SAMSN1: variants seen among roughly 807,000 people sequenced by gnomAD.
The protein encoded by SAMSN1 is SAM domain-containing protein SAMSN-1.
SAMSN1 carries 31 observed loss-of-function variants against 42.0 expected under a neutral mutation model. The observed-to-expected ratio is 0.74, with a 90% CI of 0.55 to 1.00. SAMSN1 has a LOEUF of 1.00. SAMSN1 is among the 50% of genes least tolerant of loss of function. The probability of loss-of-function intolerance (pLI) is 0.00; values close to 1 mark genes in which losing one functional copy is unlikely to be tolerated. For missense variants in SAMSN1, 464 were observed against 439.4 expected (o/e 1.06, Z -0.50); for synonymous variants, 178 against 151.9 (o/e 1.17, Z -1.26).
chr21:14,520,877 C>CT (rs994342050), intron 2 of SAMSN1, among the ~76,000 whole-genome samples: 44 of 146,650 alleles, frequency 3.0e-4, no homozygotes, highest in African/African-American at 3.5e-4. Flanking sequence ...GAGAGTTCCT[C>CT]TTTTTTTTTT....
chr21:14,618,801 T>C (rs1568832981), intron 2 of SAMSN1, among the ~76,000 whole-genome samples: 1 of 152,256 alleles, frequency 6.6e-6, no homozygotes, highest in African/African-American at 2.4e-5. Flanking sequence ...GTCCTTTAAT[T>C]TGACATTTGC....
At chr21:14,620,344 G>C (rs1982969104) in intron 2 of SAMSN1, among the ~76,000 whole-genome samples, 1 of 151,928 alleles carries the variant, frequency 6.6e-6, no homozygotes, top group African/African-American at 2.4e-5. Flanking sequence ...AGATGTGATG[G>C]TTTCATAAGT....
chr21:14,541,369 A>T (rs1159100891), intron 1 of SAMSN1, among the ~76,000 whole-genome samples: 1 of 152,006 alleles, frequency 6.6e-6, no homozygotes, highest in East Asian at 1.9e-4. Context: ...TCCATACTTG[A>T]ACCAGGCTGT....
At chr21:14,550,368 G>A (rs1980557505), upstream of SAMSN1, among the ~76,000 whole-genome samples, 1 of 152,092 alleles carries the variant, frequency 6.6e-6, no homozygotes, top group Non-Finnish European at 1.5e-5. Context: ...GCTGTGCAGT[G>A]ACTTTTCTGC....
intron 1 of SAMSN1, among the ~76,000 whole-genome samples, chr21:14,643,385 A>G (rs781061137): frequency 3.8e-4 from 58 of 152,334 alleles, no homozygotes; most frequent in Middle Eastern, 3.4e-3. Context: ...TAAGTGTTGC[A>G]GAGGCAGGCA....
intron 2 of SAMSN1, among the ~76,000 whole-genome samples, chr21:14,640,552 A>G (rs551308567): frequency 3.3e-4 from 50 of 152,238 alleles, no homozygotes; most frequent in Admixed American, 1.2e-3. Context: ...TGCCAATACC[A>G]GGAGAAAAAG....
chr21:14,582,310 C>A lies in SAMSN1; in HGVS notation c.87G>T (p.Trp29Cys), dbSNP rs200030823. 33 of 1,550,522 alleles carry A rather than the reference C, an allele frequency of 2.1e-5. No individual in the cohort carries two copies. In the Middle Eastern group the frequency reaches 1.5e-3, roughly 70 times the overall value. ...GCCACATGTAAGCTTCACCTTCATA[C>A]CAAGCTAATTTATCTTCCAAGTTGC... The change falls in exon 2 of 9, where the codon TGG (tryptophan) becomes TGT (cysteine). Residue 29 changes from tryptophan (W) to cysteine (C), a missense_variant. By Grantham distance (215) the Trp-to-Cys change is radical. Coordinates refer to the SAMSN1 transcript ENST00000285670.
intron 5 of SAMSN1, among the ~76,000 whole-genome samples, chr21:14,604,503 A>C (rs1222247973): frequency 1.3e-5 from 2 of 152,194 alleles, no homozygotes; most frequent in Admixed American, 6.5e-5. Context: ...GCTTGAGGCC[A>C]GGAGTTTCAG....
At chr21:14,529,842 C>T (rs1230162266) in intron 1 of SAMSN1, among the ~76,000 whole-genome samples, 1 of 152,160 alleles carries the variant, frequency 6.6e-6, no homozygotes, top group African/African-American at 2.4e-5. Flanking sequence ...ACCTGAAAGG[C>T]ATTTTATGTG....
chr21:14,655,702 A>G (rs1169475964), intron 1 of SAMSN1, among the ~76,000 whole-genome samples: 1 of 151,824 alleles, frequency 6.6e-6, no homozygotes, highest in Non-Finnish European at 1.5e-5. Flanking sequence ...ACTGAATTAT[A>G]AATAATTATA....
At chr21:14,531,897 C>T (rs61669689) in intron 1 of SAMSN1, among the ~76,000 whole-genome samples, 1 of 152,076 alleles carries the variant, frequency 6.6e-6, no homozygotes, top group South Asian at 2.1e-4. Context: ...ACACAGTAAC[C>T]TTTCTAAAGG....
upstream of SAMSN1, among the ~76,000 whole-genome samples, chr21:14,546,600 T>C (rs1431351066): frequency 1.3e-5 from 2 of 150,600 alleles, no homozygotes; most frequent in Admixed American, 1.3e-4. Flanking sequence ...ATGCATTCCA[T>C]GGGTAGAAAA....
intron 1 of SAMSN1, among the ~76,000 whole-genome samples, chr21:14,542,751 C>G (rs997590388): frequency 5.9e-5 from 9 of 152,014 alleles, no homozygotes; most frequent in Admixed American, 4.6e-4. Flanking sequence ...TTGAGACCAG[C>G]CTGAGCAACA....
intron 2 of SAMSN1, among the ~76,000 whole-genome samples, chr21:14,628,715 C>T (rs894824983): frequency 1.3e-5 from 2 of 152,050 alleles, no homozygotes; most frequent in African/African-American, 2.4e-5. Flanking sequence ...AATGTCAGAG[C>T]CCAGTCAGTT....
Position 14,485,925 on chromosome 21 carries a change from T to C in SAMSN1, c.1109A>G (p.Glu370Gly). The C allele has an allele frequency of 6.2e-7, 1 of 1,613,354 alleles. No homozygotes were observed. The highest frequency in any genetic ancestry group is 8.5e-7 in the Non-Finnish European group (1 of 1,179,430). Residue 370 changes from glutamate to glycine, a missense_variant, in exon 8 of 8, where the codon GAG becomes GGG. Transcript: ENST00000400566. Reference sequence around the variant, plus strand: ...GGGAATGCGTGTTCAGTCACTTGGCTCTGTGATAATAATCTTATGTACCAT... The same window carrying C: ...GGGAATGCGTGTTCAGTCACTTGGCCCTGTGATAATAATCTTATGTACCAT... ...SDMVHKIIIT[E>G]PSD
intron 2 of SAMSN1, among the ~76,000 whole-genome samples, chr21:14,635,016 A>T (rs934743681): frequency 1.3e-5 from 2 of 152,314 alleles, no homozygotes; most frequent in Admixed American, 1.3e-4. Context: ...GAGGAATGAG[A>T]TCATGTCCTT....
intron 2 of SAMSN1, among the ~76,000 whole-genome samples, chr21:14,576,530 A>T (rs1981471423): frequency 6.6e-6 from 1 of 152,180 alleles, no homozygotes; most frequent in Non-Finnish European, 1.5e-5. Flanking sequence ...CCATGCCAAT[A>T]ATTAGCATCC....
chr21:14,513,184 T>A (rs908566784), intron 3 of SAMSN1, among the ~76,000 whole-genome samples: 1 of 152,258 alleles, frequency 6.6e-6, no homozygotes, highest in Non-Finnish European at 1.5e-5. Flanking sequence ...AATTATATTT[T>A]CTTGAAAACA....
intron 3 of SAMSN1, among the ~76,000 whole-genome samples, chr21:14,514,164 C>T (rs1987806757): frequency 6.6e-6 from 1 of 152,190 alleles, no homozygotes; most frequent in African/African-American, 2.4e-5. Context: ...CTGACCAAAG[C>T]TTTCTCAGTA....
Sources: gnomAD v4.1 joint callset for allele counts (sites outside exome capture counted in the v4.1 genomes callset) on GRCh38, gnomAD v4.1.1 for gene constraint, MANE v1.5 for transcripts, NCBI Gene and HGNC (gene_info 2026-07-23, HGNC 2026-07-21) for gene names.